SNX10: variants seen among roughly 807,000 people sequenced by gnomAD.
The protein encoded by SNX10 is sorting nexin 10, also known as sorting nexin-10.
A neutral mutation model predicts 28.5 loss-of-function variants in SNX10; 25 were observed. That is an observed-to-expected ratio of 0.88 (90% CI 0.64 to 1.22). The LOEUF (loss-of-function observed/expected upper bound fraction) is 1.22, where lower values mean the gene tolerates loss of function less well. Among genes scored for constraint, SNX10 ranks in the 50% most tolerant of loss-of-function variants. The probability of loss-of-function intolerance (pLI) is 0.00; values close to 1 mark genes in which losing one functional copy is unlikely to be tolerated. For synonymous variants in SNX10, 62 were observed against 81.4 expected (o/e 0.76, Z 1.28); for missense variants, 223 against 242.6 (o/e 0.92, Z 0.54).
Position 26,364,586 on chromosome 7 carries a change from A to G in SNX10, c.163A>G (p.Arg55Gly). Residue 55 changes from arginine to glycine, a missense_variant, in exon 4 of 7, where the codon AGA becomes GGA. Arg to Gly is a moderately radical substitution (Grantham distance 125). Transcript: ENST00000338523. This position sits in a 1 kb window ranked among gnomAD's most constrained non-coding sequence, Gnocchi z 4.9. ...MKTSCVRRRY[R>G]EFVWLRQRLQ... Reference sequence around the variant, plus strand: ...AACATCCTGTGTACGAAGAAGATATAGAGAATTCGTGTGGCTGAGGCAGAG... The same window carrying G: ...AACATCCTGTGTACGAAGAAGATATGGAGAATTCGTGTGGCTGAGGCAGAG... 6.2e-7 allele frequency: 1 copy of G among 1,614,040 alleles called. No homozygotes were observed. Among genetic ancestry groups the G allele is most frequent in the Non-Finnish European group, 8.5e-7 (1 of 1,179,930 alleles).
At chr7:26,294,256 G>A (rs545317496) in intron 1 of SNX10, among the ~76,000 whole-genome samples, 1 of 152,296 alleles carries the variant, frequency 6.6e-6, no homozygotes, top group Admixed American at 6.5e-5. Flanking sequence ...TGTTCTCTAA[G>A]CCCTGTTCAA....
intron 1 of SNX10, among the ~76,000 whole-genome samples, chr7:26,305,505 G>A (rs1368284916): frequency 6.6e-6 from 1 of 152,184 alleles, no homozygotes; most frequent in Non-Finnish European, 1.5e-5. Flanking sequence ...GTCACTGTCT[G>A]GATTAGGGGG....
At chr7:26,298,692 C>A (rs887168006) in intron 1 of SNX10, among the ~76,000 whole-genome samples, 2 of 152,140 alleles carry the variant, frequency 1.3e-5, no homozygotes, top group African/African-American at 2.4e-5. Flanking sequence ...TTTGGGCTGC[C>A]ATAACAAAAT....
chr7:26,323,265 A>G (rs1335190674), intron 1 of SNX10, among the ~76,000 whole-genome samples: 1 of 151,998 alleles, frequency 6.6e-6, no homozygotes, highest in South Asian at 2.1e-4. Context: ...CAAACAAAAC[A>G]AAACAAAAAT....
chr7:26,312,537 G>A (rs1786888681), intron 1 of SNX10, among the ~76,000 whole-genome samples: 1 of 152,218 alleles, frequency 6.6e-6, no homozygotes, highest in Non-Finnish European at 1.5e-5. Flanking sequence ...TGTAATCCCA[G>A]CACTTTGGGA....
At chr7:26,365,832 C>T (rs1789267148) in intron 5 of SNX10, among the ~76,000 whole-genome samples, 1 of 127,106 alleles carries the variant, frequency 7.9e-6, no homozygotes, top group African/African-American at 2.8e-5. Flanking sequence ...GAGTTCAGAT[C>T]CTCGCTCTGC....
chr7:26,356,746 A>G (rs1788836734), intron 2 of SNX10, among the ~76,000 whole-genome samples: 2 of 152,208 alleles, frequency 1.3e-5, no homozygotes, highest in South Asian at 2.1e-4. Context: ...AATTATTTCT[A>G]TGTAAATAGG....
intron 1 of SNX10, among the ~76,000 whole-genome samples, chr7:26,316,580 C>G (rs1466723081): frequency 6.6e-6 from 1 of 152,158 alleles, no homozygotes; most frequent in African/African-American, 2.4e-5. Context: ...TTACTATGTG[C>G]TTGTTATGAG....
At chr7:26,333,444 C>A (rs1282657420) in intron 1 of SNX10, among the ~76,000 whole-genome samples, 1 of 151,448 alleles carries the variant, frequency 6.6e-6, no homozygotes, top group Non-Finnish European at 1.5e-5. Flanking sequence ...CCTGCCTCAG[C>A]CTCTGAGTAG....
chr7:26,337,965 C>T (rs1584136259), intron 1 of SNX10, among the ~76,000 whole-genome samples: 1 of 152,100 alleles, frequency 6.6e-6, no homozygotes, highest in African/African-American at 2.4e-5. Context: ...CTCCTCAATG[C>T]TTTTTTGGTT....
intron 5 of SNX10, among the ~76,000 whole-genome samples, chr7:26,371,250 A>C (rs1238681233): frequency 2.6e-5 from 4 of 152,116 alleles, no homozygotes; most frequent in African/African-American, 7.2e-5. Flanking sequence ...GCTCCTAAAG[A>C]TTTTGGAGAA....
In SNX10 at chr7:26,319,661, A is replaced by C. The variant is rs35735803; in HGVS notation, c.-23-26759A>C. ...AAACCCAGGAAAAAAGACAAAAAAA[A>C]CCCATTTGGATTTGCTCTGCAGTTC... On this transcript the variant is annotated intron_variant, in intron 1 of 6. Coordinates refer to ENST00000338523, the MANE Select transcript of SNX10 (RefSeq NM_013322.3). Among the ~76,000 whole-genome samples, 859 of 152,210 alleles carry C rather than the reference A, an allele frequency of 5.6e-3. 4 individuals are homozygous for C. Among genetic ancestry groups the C allele is most frequent in the Non-Finnish European group, 8.7e-3 (593 of 67,984 alleles).
At chr7:26,353,652 A>G (rs567232572) in intron 2 of SNX10, among the ~76,000 whole-genome samples, 3 of 152,162 alleles carry the variant, frequency 2.0e-5, no homozygotes, top group Admixed American at 6.5e-5. Context: ...GGGTTTCACC[A>G]TGTTGGCCAG....
chr7:26,326,192 T>G (rs1022736684), intron 1 of SNX10, among the ~76,000 whole-genome samples: 1 of 152,224 alleles, frequency 6.6e-6, no homozygotes, highest in Non-Finnish European at 1.5e-5. Flanking sequence ...AGTTCTTCCC[T>G]TGCTTTTTTA....
intron 2 of SNX10, among the ~76,000 whole-genome samples, chr7:26,358,548 T>A (rs1046342049): frequency 3.3e-5 from 5 of 152,044 alleles, no homozygotes; most frequent in African/African-American, 1.2e-4. Flanking sequence ...AGAATCAGCC[T>A]GGGCAACATA....
chr7:26,327,935 T>C (rs1034564026), intron 1 of SNX10, among the ~76,000 whole-genome samples: 1 of 151,904 alleles, frequency 6.6e-6, no homozygotes, highest in Non-Finnish European at 1.5e-5. Flanking sequence ...GGTTTCACCG[T>C]GTTAGCCAGG....
At chr7:26,317,030 C>T (rs543533704) in intron 1 of SNX10, among the ~76,000 whole-genome samples, 1 of 152,132 alleles carries the variant, frequency 6.6e-6, no homozygotes, top group African/African-American at 2.4e-5. Context: ...AGATCGAGGC[C>T]GGAGATGCTA....
chr7:26,347,974 C>T (rs1788455160), intron 2 of SNX10, among the ~76,000 whole-genome samples: 1 of 152,112 alleles, frequency 6.6e-6, no homozygotes, highest in South Asian at 2.1e-4. Context: ...GAGACAGGGT[C>T]TCTCTTTGTT....
rs946486102 is a variant in SNX10 at position 26,374,372 on chromosome 7, C to T, written c.*1800C>T. 3.3e-5 allele frequency: 5 copies of T among 151,988 alleles called. No homozygotes were observed. Among genetic ancestry groups the T allele is most frequent in the African/African-American group, 1.2e-4 (5 of 41,416 alleles). The allele number at this position is 151,988 out of a possible 1,614,324, so 9.4% of individuals were successfully genotyped here. On this transcript the variant is annotated 3_prime_UTR_variant, in exon 7 of 7. Coordinates refer to ENST00000338523, the MANE Select transcript of SNX10 (RefSeq NM_013322.3). ...TTTTATACAAGAGAATATATTCTGC[C>T]TTAGACCCAAACTCAGTGTTTTTTA...
Sources: allele counts gnomAD v4.1 joint callset (sites outside exome capture counted in the v4.1 genomes callset), GRCh38; gene constraint gnomAD v4.1.1; non-coding constraint Gnocchi (gnomAD v3.1); transcripts MANE v1.5; gene names NCBI Gene and HGNC (gene_info 2026-07-23, HGNC 2026-07-21).